PHACTR1: variants seen among roughly 807,000 people sequenced by gnomAD.
The protein encoded by PHACTR1 is phosphatase and actin regulator 1.
Under a neutral mutation model 69.2 loss-of-function variants are expected in PHACTR1, and 16 were observed. That is an observed-to-expected ratio of 0.23 (90% CI 0.16 to 0.35). PHACTR1 has a LOEUF of 0.35. PHACTR1 is among the 10% of genes least tolerant of loss of function. PHACTR1 has a pLI of 1.00. For missense variants in PHACTR1, 510 were observed against 734.7 expected (o/e 0.69, Z 3.54); for synonymous variants, 312 against 284.5 (o/e 1.10, Z -0.97).
At position 12,749,795 on chromosome 6, in the gene PHACTR1, G is replaced by A. The variant is rs1421001851; in HGVS notation, c.250+5G>A. ...TCTCCTTTAACCTGGGGGCAGGTAAGAACGCCCCTGGCGCCGCGCCCCCGC... is the reference window on the plus strand; with the variant it reads ...TCTCCTTTAACCTGGGGGCAGGTAAAAACGCCCCTGGCGCCGCGCCCCCGC... On this transcript the variant is annotated splice_donor_5th_base_variant and intron_variant, in intron 4 of 14. Coordinates refer to ENST00000332995, the MANE Select transcript of PHACTR1 (RefSeq NM_030948.6). 3 of 1,586,854 alleles carry A rather than the reference G, an allele frequency of 1.9e-6. No homozygotes were observed. Among genetic ancestry groups the A allele is most frequent in the South Asian group, 2.2e-5 (2 of 90,116 alleles).
chr6:13,199,608 G>C (rs1316643576), intron 7 of PHACTR1, among the ~76,000 whole-genome samples: 2 of 152,098 alleles, frequency 1.3e-5, no homozygotes, highest in Non-Finnish European at 1.5e-5. Context: ...AGAAGAACCT[G>C]AATGCTTTGA....
chr6:13,196,525 A>G, intron 7 of PHACTR1: 1 of 170,176 alleles, frequency 5.9e-6, no homozygotes, highest in Non-Finnish European at 1.3e-5. Context: ...GGTTCAAGCG[A>G]TTCTCCTGCC....
intron 5 of PHACTR1, among the ~76,000 whole-genome samples, chr6:13,064,230 A>G (rs886174284): frequency 2.0e-5 from 3 of 151,962 alleles, no homozygotes; most frequent in African/African-American, 7.2e-5. Flanking sequence ...TAGGAACTGA[A>G]GACTGTGAAC....
chr6:13,210,642 T>C (rs1766671807), intron 8 of PHACTR1, among the ~76,000 whole-genome samples: 2 of 152,162 alleles, frequency 1.3e-5, no homozygotes, highest in Admixed American at 1.3e-4. Context: ...GCCTTATCTG[T>C]AAAATAAAAA....
intron 4 of PHACTR1, among the ~76,000 whole-genome samples, chr6:13,008,688 CTG>C (rs1370866813): frequency 2.0e-5 from 3 of 152,234 alleles, no homozygotes; most frequent in African/African-American, 7.2e-5. Flanking sequence ...CTGCACCATT[CTG>C]TGTCCATGAA....
In PHACTR1 at chr6:13,179,405, CGTGTGTGTGTGTGTGTGTGTGTGTGT is replaced by C. The variant is rs4053019; in HGVS notation, c.497-3099_497-3074del. 7.0e-6 allele frequency among the ~76,000 whole-genome samples: 1 copy of C among 141,956 alleles called. No homozygotes were observed. The highest frequency in any genetic ancestry group is 7.2e-5 in the Admixed American group (1 of 13,982). The allele number at this position is 141,956 out of a possible 152,430, so 93.1% of individuals were successfully genotyped here. ...TATACAGCCCATTACATTAATGTTT[CGTGTGTGTGTGTGTGTGTGTGTGTGT>C]GTGTGTGTGTGTGTTTAAAAATGTC... On this transcript the variant is annotated intron_variant, in intron 6 of 14. Transcript: ENST00000332995. The surrounding 1 kb of genome is among the most constrained non-coding windows in gnomAD (Gnocchi z 4.2).
chr6:12,783,591 T>A (rs2127647671), intron 4 of PHACTR1, among the ~76,000 whole-genome samples: 1 of 152,234 alleles, frequency 6.6e-6, no homozygotes, highest in East Asian at 1.9e-4. Flanking sequence ...TTGATCAAAT[T>A]GTGAAGAAAG....
intron 4 of PHACTR1, among the ~76,000 whole-genome samples, chr6:12,859,404 T>C (rs1392300642): frequency 2.0e-5 from 3 of 152,252 alleles, no homozygotes. Context: ...TATGTGTATG[T>C]AGCAATTTAT....
intron 4 of PHACTR1, among the ~76,000 whole-genome samples, chr6:12,886,358 A>T (rs1412053517): frequency 1.3e-5 from 2 of 152,226 alleles, no homozygotes; most frequent in Non-Finnish European, 2.9e-5. Context: ...GGTCACTCTC[A>T]ATGAGAGCAA....
At chr6:12,777,577 T>C (rs1483372330) in intron 4 of PHACTR1, among the ~76,000 whole-genome samples, 1 of 151,932 alleles carries the variant, frequency 6.6e-6, no homozygotes, top group African/African-American at 2.4e-5. Flanking sequence ...CATTCTTTTT[T>C]ATGGCTGCAT....
intron 10 of PHACTR1, among the ~76,000 whole-genome samples, chr6:13,270,478 T>C (rs939243865): frequency 9.2e-5 from 14 of 152,314 alleles, no homozygotes; most frequent in Non-Finnish European, 1.8e-4. Context: ...GTCACCTAAT[T>C]AGCACAAACT....
chr6:13,072,191 A>G (rs1396095179), intron 5 of PHACTR1, among the ~76,000 whole-genome samples: 1 of 152,182 alleles, frequency 6.6e-6, no homozygotes, highest in Non-Finnish European at 1.5e-5. Context: ...CCCAGTGCCC[A>G]TTATCACATC....
At chr6:12,985,838 ATTT>A (rs143286319) in intron 4 of PHACTR1, among the ~76,000 whole-genome samples, 1 of 145,050 alleles carries the variant, frequency 6.9e-6, no homozygotes. Context: ...AAACATGCTA[ATTT>A]TTTTTTTTTT....
intron 7 of PHACTR1, among the ~76,000 whole-genome samples, chr6:13,198,227 C>G (rs1287188352): frequency 1.3e-5 from 2 of 152,154 alleles, no homozygotes; most frequent in East Asian, 3.8e-4. Flanking sequence ...TCACACATAG[C>G]CCTTGCAAGG....
chr6:12,797,405 G>A (rs1773163918), intron 4 of PHACTR1, among the ~76,000 whole-genome samples: 1 of 152,190 alleles, frequency 6.6e-6, no homozygotes, highest in Non-Finnish European at 1.5e-5. Flanking sequence ...TGACCCTGCA[G>A]AGTTTGATAA....
chr6:13,277,787 A>G (rs1288868103), intron 11 of PHACTR1, among the ~76,000 whole-genome samples: 1 of 152,080 alleles, frequency 6.6e-6, no homozygotes, highest in Non-Finnish European at 1.5e-5. Flanking sequence ...CATCTCAACA[A>G]AACATTTTTA....
At chr6:13,200,523 G>T (rs1431619225) in intron 7 of PHACTR1, among the ~76,000 whole-genome samples, 1 of 152,216 alleles carries the variant, frequency 6.6e-6, no homozygotes, top group Non-Finnish European at 1.5e-5. Flanking sequence ...GGAACATGAA[G>T]TTGCATCAGG....
chr6:12,867,694 G>A (rs928318994), intron 4 of PHACTR1, among the ~76,000 whole-genome samples: 3 of 152,124 alleles, frequency 2.0e-5, no homozygotes, highest in African/African-American at 4.8e-5. Context: ...ATACAAATAC[G>A]CTGTCATTAT....
chr6:12,818,365 AG>A (rs1300690230), intron 4 of PHACTR1, among the ~76,000 whole-genome samples: 1 of 152,142 alleles, frequency 6.6e-6, no homozygotes, highest in African/African-American at 2.4e-5. Flanking sequence ...GCCTGTATCC[AG>A]GTAGTATTTC....
Sources: allele counts gnomAD v4.1 joint callset (sites outside exome capture counted in the v4.1 genomes callset), GRCh38; gene constraint gnomAD v4.1.1; non-coding constraint Gnocchi (gnomAD v3.1); transcripts MANE v1.5; gene names NCBI Gene and HGNC (gene_info 2026-07-23, HGNC 2026-07-21).